The following XYLT1 variants were observed in gnomAD, a reference collection of about 807,000 sequenced individuals.
XYLT1 encodes the protein xylosyltransferase 1.
XYLT1 carries 36 observed loss-of-function variants against 91.3 expected under a neutral mutation model. That is an observed-to-expected ratio of 0.39 (90% CI 0.30 to 0.52). The LOEUF (loss-of-function observed/expected upper bound fraction) is 0.52. Among genes scored for constraint, XYLT1 ranks in the 20% least tolerant of loss-of-function variants. The probability of loss-of-function intolerance (pLI) is 0.68; values close to 1 mark genes in which losing one functional copy is unlikely to be tolerated. For synonymous variants in XYLT1, 588 were observed against 532.0 expected, an observed-to-expected ratio of 1.11 and a Z score of -1.45; for missense variants, 1,242 against 1,284.5, an observed-to-expected ratio of 0.97 and a Z score of 0.51.
intron 2 of XYLT1, chr16:17,338,049 T>C (rs1382950144): frequency 2.6e-6 from 1 of 390,172 alleles, no homozygotes; most frequent in Non-Finnish European, 5.2e-6. Flanking sequence ...ATTATAGGCG[T>C]GAGCCACCGC....
chr16:17,393,207 G>T (rs573199644), intron 1 of XYLT1, among the ~76,000 whole-genome samples: 2 of 152,334 alleles, frequency 1.3e-5, no homozygotes, highest in South Asian at 4.1e-4. Flanking sequence ...AGACACTTTG[G>T]TTTGCAGAAG....
chr16:17,172,501 C>T (rs1004777191), intron 5 of XYLT1, among the ~76,000 whole-genome samples: 9 of 126,838 alleles, frequency 7.1e-5, no homozygotes, highest in Admixed American at 9.9e-5. Context: ...GACGGAGTCT[C>T]GCTCTTGTTG....
At chr16:17,370,147 C>T (rs2035512113) in intron 1 of XYLT1, among the ~76,000 whole-genome samples, 1 of 152,224 alleles carries the variant, frequency 6.6e-6, no homozygotes, top group African/African-American at 2.4e-5. Context: ...GAATAGAGGA[C>T]TCTCCTTAAC....
chr16:17,238,163 T>G (rs1044531401), intron 3 of XYLT1, among the ~76,000 whole-genome samples: 3 of 152,224 alleles, frequency 2.0e-5, no homozygotes, highest in African/African-American at 7.2e-5. Flanking sequence ...CAGTTATTCC[T>G]TGTTAAATCT....
intron 6 of XYLT1, among the ~76,000 whole-genome samples, chr16:17,150,098 G>A (rs2031246159): frequency 6.6e-6 from 1 of 152,194 alleles, no homozygotes; most frequent in Non-Finnish European, 1.5e-5. Flanking sequence ...TGTTTTAGTT[G>A]TGCAATAGCC....
At chr16:17,418,666 G>A (rs1267204602) in intron 1 of XYLT1, among the ~76,000 whole-genome samples, 1 of 152,042 alleles carries the variant, frequency 6.6e-6, no homozygotes, top group Non-Finnish European at 1.5e-5. Context: ...TGGGCAATAT[G>A]GCAAAACCCT....
intron 4 of XYLT1, among the ~76,000 whole-genome samples, chr16:17,199,442 C>A (rs2032491624): frequency 6.6e-6 from 1 of 152,174 alleles, no homozygotes. Flanking sequence ...CCCTGCAACA[C>A]CTAAAATATG....
chr16:17,117,880 C>A lies in XYLT1; in HGVS notation c.2323G>T (p.Gly775Ter). ...ATGACGGTCACGGTCACATTAGGTC[C>A]CTTCCCCCACTTCTGCATACCCACC... ...EPVGMQKWGK[G>*]PNVTVTVIWV... is the part of the protein sequence containing the mutation. Residue 775 changes from glycine (G) to a stop codon, truncating the protein, a stop_gained, in exon 11 of 12, where the codon GGA (glycine) becomes TGA (stop). Transcript: ENST00000261381. LOFTEE classifies it high-confidence loss of function. 3 of 1,614,068 alleles carry A rather than the reference C, an allele frequency of 1.9e-6. No homozygotes were observed. The highest frequency in any genetic ancestry group is 2.5e-6 in the Non-Finnish European group (3 of 1,180,014).
intron 1 of XYLT1, among the ~76,000 whole-genome samples, chr16:17,425,957 A>G (rs576780092): frequency 3.3e-5 from 5 of 152,230 alleles, no homozygotes; most frequent in African/African-American, 1.2e-4. Context: ...GACCACTTCC[A>G]TGTCTATACG....
chr16:17,183,510 T>C (rs185988952), intron 5 of XYLT1, among the ~76,000 whole-genome samples: 11 of 152,268 alleles, frequency 7.2e-5, no homozygotes, highest in Non-Finnish European at 1.2e-4. Context: ...AAATCCTGGC[T>C]CCAACCCCCA....
At chr16:17,316,430 T>TTATATA (rs2034633846) in intron 2 of XYLT1, among the ~76,000 whole-genome samples, 2 of 152,166 alleles carry the variant, frequency 1.3e-5, no homozygotes, top group African/African-American at 4.8e-5. Flanking sequence ...ACAGTCTCTC[T>TTATATA]CTGTCGCCCC....
intron 2 of XYLT1, among the ~76,000 whole-genome samples, chr16:17,329,435 T>C (rs560662077): frequency 2.6e-5 from 4 of 152,352 alleles, no homozygotes; most frequent in East Asian, 3.8e-4. Context: ...CTTATGCCAA[T>C]AGTAAATCTT....
At chr16:17,412,871 G>A (rs1239031719) in intron 1 of XYLT1, among the ~76,000 whole-genome samples, 2 of 152,212 alleles carry the variant, frequency 1.3e-5, no homozygotes, top group Non-Finnish European at 2.9e-5. Flanking sequence ...GGGAGAGTCA[G>A]AAGAATGTGT....
At position 17,103,449 on chromosome 16, in the gene XYLT1, C is replaced by A. The variant is rs1966733836; in HGVS notation, c.*5246G>T. On this transcript the variant is annotated 3_prime_UTR_variant, in exon 12 of 12. Transcript: ENST00000261381. ...CAATTCCTATAGCATCTGCCAACTA[C>A]AGATTGGCAGCCCCTTCCTTAGGAG... 1 of 152,192 alleles carries A rather than the reference C, an allele frequency of 6.6e-6. No homozygotes were observed. The highest frequency in any genetic ancestry group is 6.5e-5 in the Admixed American group (1 of 15,276). 9.4% of individuals were successfully genotyped at this position (152,192 alleles called of 1,614,324 possible). A position where few individuals can be genotyped will look rare whatever the true frequency, so the allele number is the denominator to read the frequency against.
At chr16:17,149,191 G>C (rs1243546958) in intron 6 of XYLT1, among the ~76,000 whole-genome samples, 1 of 152,188 alleles carries the variant, frequency 6.6e-6, no homozygotes, top group Non-Finnish European at 1.5e-5. Context: ...CAGAAAGGTG[G>C]ATAACAAAGA....
chr16:17,285,933 AGT>A lies in XYLT1; in HGVS notation c.403-26437_403-26436del, dbSNP rs1567356782. Among the ~76,000 whole-genome samples, 615 of 63,974 alleles carry A rather than the reference AGT, an allele frequency of 9.6e-3. 1 individual carries two copies. The highest frequency in any genetic ancestry group is 0.027 in the South Asian group (60 of 2,198). The allele number at this position is 63,974 out of a possible 152,430, so 42.0% of individuals were successfully genotyped here. A position where few individuals can be genotyped will look rare whatever the true frequency, so the allele number is the denominator to read the frequency against. ...GTGTGTGTGTGTCCATGTGTGTGTG[AGT>A]GAGTGAGAGAGAGAGAGAAAGAGAG... On this transcript the variant is annotated intron_variant, in intron 2 of 11. Coordinates refer to ENST00000261381, the MANE Select transcript of XYLT1 (RefSeq NM_022166.4).
intron 3 of XYLT1, among the ~76,000 whole-genome samples, chr16:17,213,626 CT>C (rs905505459): frequency 3.0e-4 from 44 of 148,986 alleles, no homozygotes; most frequent in African/African-American, 1.0e-3. Context: ...CTTTTCTTTT[CT>C]TTTTTTTTTG....
chr16:17,213,660 C>T (rs1416817740), intron 3 of XYLT1, among the ~76,000 whole-genome samples: 1 of 151,960 alleles, frequency 6.6e-6, no homozygotes, highest in Non-Finnish European at 1.5e-5. Flanking sequence ...GCACTGTCGC[C>T]CAGGCTGGAG....
chr16:17,463,658 A>G (rs921295699), intron 1 of XYLT1, among the ~76,000 whole-genome samples: 5 of 152,258 alleles, frequency 3.3e-5, no homozygotes, highest in African/African-American at 1.2e-4. Context: ...GGAGAAGAGT[A>G]TGAAGGTTCT....
Sources: allele counts gnomAD v4.1 joint callset (sites outside exome capture counted in the v4.1 genomes callset), GRCh38; gene constraint gnomAD v4.1.1; transcripts MANE v1.5; gene names NCBI Gene and HGNC (gene_info 2026-07-23, HGNC 2026-07-21).